Variants in ERMP1 observed in about 807,000 individuals in gnomAD.
The protein encoded by ERMP1 is Felix-ina.
ERMP1 carries 86 observed loss-of-function variants against 92.0 expected under a neutral mutation model. The ratio of observed to expected loss-of-function variants is 0.93; its 90% CI spans 0.79 to 1.12. The LOEUF is 1.12. Ranked by LOEUF, ERMP1 falls within the 50% of genes most tolerant of loss-of-function variation. The probability of loss-of-function intolerance (pLI) is 0.00; values close to 1 mark genes in which losing one functional copy is unlikely to be tolerated. For synonymous variants in ERMP1, 530 were observed against 412.8 expected (o/e 1.28, Z -3.44); for missense variants, 1,342 against 1,116.3 (o/e 1.20, Z -2.88).
chr9:5,796,883 T>A (rs1459968256), intron 13 of ERMP1, among the ~76,000 whole-genome samples: 2 of 152,100 alleles, frequency 1.3e-5, no homozygotes, highest in Non-Finnish European at 2.9e-5. Context: ...CAGGCTTCGA[T>A]TAATAATAAT....
chr9:5,854,730 TTGCCCAGGCTGGTCTAGAACTCC>T (rs1203701059), intron 6 of ERMP1, among the ~76,000 whole-genome samples: 1 of 152,196 alleles, frequency 6.6e-6, no homozygotes, highest in East Asian at 1.9e-4. Context: ...TTTTGCCATG[TTGCCCAGGCTGGTCTAGAACTCC>T]TGACCTCAGG....
At chr9:5,852,891 T>C (rs1230260824) in intron 6 of ERMP1, among the ~76,000 whole-genome samples, 1 of 152,228 alleles carries the variant, frequency 6.6e-6, no homozygotes, top group African/African-American at 2.4e-5. Context: ...TCATCTCACC[T>C]GTTAGTTCTT....
intron 10 of ERMP1, among the ~76,000 whole-genome samples, chr9:5,804,352 A>C (rs892006347): frequency 2.4e-4 from 37 of 151,842 alleles, no homozygotes; most frequent in African/African-American, 8.7e-4. Context: ...CTGGTCTTAA[A>C]CTCTGCATCA....
intron 6 of ERMP1, among the ~76,000 whole-genome samples, chr9:5,857,353 G>C (rs923976369): frequency 3.9e-5 from 6 of 152,118 alleles, no homozygotes; most frequent in African/African-American, 1.4e-4. Flanking sequence ...GCTGAAATAA[G>C]AAGGCAGAGT....
chr9:5,797,319 C>G (rs1828471263), intron 13 of ERMP1, among the ~76,000 whole-genome samples: 1 of 151,986 alleles, frequency 6.6e-6, no homozygotes, highest in Non-Finnish European at 1.5e-5. Flanking sequence ...AAGCATAAGC[C>G]ACCATGCCTG....
At chr9:5,834,168 A>T (rs1459432416), upstream of ERMP1, among the ~76,000 whole-genome samples, 1 of 152,206 alleles carries the variant, frequency 6.6e-6, no homozygotes, top group East Asian at 1.9e-4. Flanking sequence ...TCTTTCAAAG[A>T]CTTCCTGCAC....
chr9:5,802,000 G>T lies in ERMP1; in HGVS notation c.1915-672C>A, dbSNP rs768770181. 5.9e-5 allele frequency among the ~76,000 whole-genome samples: 9 copies of T among 152,214 alleles called. 1 individual carries two copies. The South Asian group carries it at 1.5e-3, about 25-fold the overall frequency. On this transcript the variant is annotated intron_variant, in intron 10 of 14. Transcript: ENST00000339450. ...AATCGCTGAACTAAAAACTGTAAAG[G>T]ACACACACGACTCACAGAGTATGTC...
rs186974091 is a variant in ERMP1 at position 5,845,947 on chromosome 9, A to C, written n.3200-12635T>G. 6.1e-4 allele frequency among the ~76,000 whole-genome samples: 93 copies of C among 152,274 alleles called. 1 individual carries two copies. The East Asian group carries it at 0.016, about 26-fold the overall frequency. On this transcript the variant is annotated intron_variant and non_coding_transcript_variant, in intron 6 of 6. Transcript: ENST00000690753. Reference sequence around the variant, plus strand: ...GGGTCAGGGAGAAGGGCAGAGAAGAAGCCACTTTGGAGTGTCAGGCAGGCC... The same window carrying C: ...GGGTCAGGGAGAAGGGCAGAGAAGACGCCACTTTGGAGTGTCAGGCAGGCC...
At chr9:5,863,168 A>G (rs1372696473) in intron 5 of ERMP1, among the ~76,000 whole-genome samples, 3 of 152,218 alleles carry the variant, frequency 2.0e-5, no homozygotes, top group African/African-American at 7.2e-5. Flanking sequence ...TGCCAGTTTA[A>G]AGGCCTCATT....
chr9:5,844,306 C>G (rs1386586375), intron 6 of ERMP1, among the ~76,000 whole-genome samples: 2 of 152,176 alleles, frequency 1.3e-5, no homozygotes, highest in Non-Finnish European at 2.9e-5. Flanking sequence ...CAGAGTCTTG[C>G]TCTGTCACCC....
rs1827968263 is a variant in ERMP1 at position 5,787,038 on chromosome 9, A to G, written c.*106T>C. 1 of 1,159,592 alleles carries G rather than the reference A, an allele frequency of 8.6e-7. No homozygotes were observed. The highest frequency in any genetic ancestry group is 1.2e-6 in the Non-Finnish European group (1 of 824,168). 71.8% of individuals were successfully genotyped at this position (1,159,592 alleles called of 1,614,324 possible). ...ACCCAGAAAGCTCTTTGAACATATG[A>G]TCATTAAAATTCATTGACTTACGTT... On this transcript the variant is annotated 3_prime_UTR_variant, in exon 15 of 15. Coordinates refer to ENST00000339450, the MANE Select transcript of ERMP1 (RefSeq NM_024896.3).
intron 5 of ERMP1, among the ~76,000 whole-genome samples, chr9:5,863,005 C>G (rs554526509): frequency 6.6e-6 from 1 of 152,330 alleles, no homozygotes; most frequent in South Asian, 2.1e-4. Flanking sequence ...TGCAAAAATT[C>G]AGAGAAAGTT....
At chr9:5,820,243 G>A (rs368543521) in intron 4 of ERMP1, among the ~76,000 whole-genome samples, 1 of 152,142 alleles carries the variant, frequency 6.6e-6, no homozygotes, top group South Asian at 2.1e-4. Flanking sequence ...AGGGTGCAGT[G>A]AGCTGAGATC....
Position 5,795,822 on chromosome 9 carries a change from CAAACAA to C in ERMP1, c.2386+1989_2386+1994del, listed in dbSNP as rs776712618. On this transcript the variant is annotated intron_variant, in intron 13 of 14. Coordinates refer to ENST00000339450, the MANE Select transcript of ERMP1 (RefSeq NM_024896.3). ...AAGAAAATCTTCTTAAAGAATAAAC[CAAACAA>C]AAACAAAAACAAAAACAAAAACAAA... Among the ~76,000 whole-genome samples, 763 of 151,816 alleles carry C rather than the reference CAAACAA, an allele frequency of 5.0e-3. 5 individuals carry two copies. The highest frequency in any genetic ancestry group is 0.031 in the Middle Eastern group (9 of 294).
chr9:5,798,937 C>G lies in ERMP1; in HGVS notation c.2139G>C (p.Gly713=), dbSNP rs922981559. Residue 713 remains glycine, a synonymous_variant, in exon 12 of 15, where the codon GGG becomes GGC. Transcript: ENST00000339450. ...VKRDSGIWIN[G]FDYTGISHIT... ...TGTGAGAAATTCCAGTATAATCAAA[C>G]CCATTGATCCATATTCCAGAGTCCC... is the stretch of plus-strand genomic sequence containing the variant. The G allele has an allele frequency of 1.2e-6, 2 of 1,613,056 alleles. No homozygotes were observed. Among genetic ancestry groups the G allele is most frequent in the Middle Eastern group, 3.3e-4 (2 of 6,058 alleles).
intron 6 of ERMP1, among the ~76,000 whole-genome samples, chr9:5,857,503 C>T (rs989900634): frequency 1.3e-5 from 2 of 152,138 alleles, no homozygotes; most frequent in African/African-American, 2.4e-5. Context: ...AGTGAGTAGA[C>T]GAATTTGCAA....
intron 6 of ERMP1, among the ~76,000 whole-genome samples, chr9:5,849,788 G>C (rs1446248780): frequency 6.6e-6 from 1 of 152,200 alleles, no homozygotes; most frequent in Non-Finnish European, 1.5e-5. Flanking sequence ...GCCTGTGCTA[G>C]CAGTGGTAAG....
At chr9:5,813,158 C>G (rs548002636) in intron 4 of ERMP1, 123 bp from the exon 5 acceptor site, 1 of 847,072 alleles carries the variant, frequency 1.2e-6, no homozygotes, top group South Asian at 1.7e-5. Context: ...CAATATGTAC[C>G]TTTTCATCCC....
chr9:5,812,647 G>A, intron 5 of ERMP1: 1 of 539,614 alleles, frequency 1.9e-6, no homozygotes, highest in South Asian at 2.0e-5. Context: ...TGGGAATGAG[G>A]TGCTAAACAG....
Sources: allele counts gnomAD v4.1 joint callset (sites outside exome capture counted in the v4.1 genomes callset), GRCh38; gene constraint gnomAD v4.1.1; transcripts MANE v1.5; gene names NCBI Gene and HGNC (gene_info 2026-07-23, HGNC 2026-07-21).